CCNH: variants seen among roughly 807,000 people sequenced by gnomAD.
CCNH encodes the protein cyclin-H.
A neutral mutation model predicts 41.9 loss-of-function variants in CCNH; 31 were observed. That is an observed-to-expected ratio of 0.74 (90% confidence interval 0.56 to 1.00). CCNH has a LOEUF of 1.00. Among genes scored for constraint, CCNH ranks in the 50% least tolerant of loss-of-function variants. The probability of loss-of-function intolerance (pLI) is 0.00; values close to 1 mark genes in which losing one functional copy is unlikely to be tolerated. For synonymous variants in CCNH, 138 were observed against 136.1 expected (o/e 1.01, Z -0.10); for missense variants, 362 against 388.4 (o/e 0.93, Z 0.57).
intron 9 of CCNH, among the ~76,000 whole-genome samples, chr5:87,368,536 G>A (rs548652157): frequency 1.8e-4 from 28 of 152,146 alleles, no homozygotes; most frequent in African/African-American, 5.8e-4. Flanking sequence ...ATGTTATTGC[G>A]TCCAGAAAGA....
chr5:87,314,122 A>G (rs369794218), downstream of CCNH, among the ~76,000 whole-genome samples: 8 of 152,210 alleles, frequency 5.3e-5, no homozygotes, highest in East Asian at 1.5e-3. Context: ...GCGGTGAGTC[A>G]AGATCATGCC....
downstream of CCNH, chr5:87,389,513 C>T: frequency 6.2e-7 from 1 of 1,613,980 alleles, no homozygotes; most frequent in Non-Finnish European, 8.5e-7. Context: ...CAGTAATGAG[C>T]GTGGTGCACA....
chr5:87,339,638 T>C (rs1258613877), intron 9 of CCNH, among the ~76,000 whole-genome samples: 1 of 151,978 alleles, frequency 6.6e-6, no homozygotes, highest in Non-Finnish European at 1.5e-5. Flanking sequence ...AAAATAATAA[T>C]AACAACCCAA....
In CCNH at chr5:87,405,189, A is replaced by G. The variant is rs377069738; in HGVS notation, c.526-182T>C. On this transcript the variant is annotated intron_variant, in intron 4 of 8. Transcript: ENST00000256897. ...CCTTCTCTTGGTCCTTTTCCACCTG[A>G]GTAGGAAGGGGAGGGAAGGGAAGCT... 1.1e-4 allele frequency among the ~76,000 whole-genome samples: 16 copies of G among 152,262 alleles called. No individual in the cohort carries two copies. In the East Asian group the frequency reaches 2.9e-3, roughly 28 times the overall value.
intron 9 of CCNH, among the ~76,000 whole-genome samples, chr5:87,357,473 C>G (rs370593129): frequency 2.0e-5 from 3 of 151,988 alleles, no homozygotes; most frequent in Admixed American, 6.6e-5. Flanking sequence ...TGAATTTGTA[C>G]TTAGAATTTT....
chr5:87,319,527 C>T (rs960388855), intron 9 of CCNH, among the ~76,000 whole-genome samples: 1 of 152,244 alleles, frequency 6.6e-6, no homozygotes, highest in East Asian at 1.9e-4. Flanking sequence ...GTGGCTTGCA[C>T]CCTCTGAAGC....
At chr5:87,339,372 G>T (rs1449646993) in intron 9 of CCNH, among the ~76,000 whole-genome samples, 1 of 152,120 alleles carries the variant, frequency 6.6e-6, no homozygotes, top group Non-Finnish European at 1.5e-5. Context: ...GTATTCTACA[G>T]TAAAAGAGAT....
Position 87,404,981 on chromosome 5 carries a change from T to C in CCNH, c.552A>G (p.Pro184=). 6.2e-7 allele frequency: 1 copy of C among 1,613,034 alleles called. No individual in the cohort carries two copies. Among genetic ancestry groups the C allele is most frequent in the Non-Finnish European group, 8.5e-7 (1 of 1,179,344 alleles). Residue 184 remains proline (P), a synonymous_variant, in exon 5 of 9, where the codon CCA becomes CCG. Coordinates refer to ENST00000256897, the MANE Select transcript of CCNH (RefSeq NM_001239.4). ...LKTRYPILEN[P]EILRKTADDF... ...CATCAGCTGTTTTCCTCAAAATCTC[T>C]GGATTCTCCAATATGGGATAGCGGG... is the stretch of plus-strand genomic sequence containing the variant.
chr5:87,334,150 A>T (rs1045916853), intron 9 of CCNH, among the ~76,000 whole-genome samples: 3 of 152,120 alleles, frequency 2.0e-5, no homozygotes, highest in Non-Finnish European at 2.9e-5. Context: ...GACAGTAAAG[A>T]CCCACAATCG....
Position 87,394,369 on chromosome 5 carries a change from T to TTA in CCNH, c.*76_*77insTA. 6.4e-7 allele frequency: 1 copy of TTA among 1,555,442 alleles called. No individual in the cohort carries two copies. The highest frequency in any genetic ancestry group is 8.7e-7 in the Non-Finnish European group (1 of 1,150,872). On this transcript the variant is annotated 3_prime_UTR_variant, in exon 9 of 9. Transcript: ENST00000256897. ...ATATTTTATGTTTTCACATTATACT[T>TTA]TTTAAATAAAGTTAAACGTTTGATA...
At chr5:87,322,167 G>T (rs529650498) in intron 9 of CCNH, among the ~76,000 whole-genome samples, 5 of 151,974 alleles carry the variant, frequency 3.3e-5, no homozygotes, top group Non-Finnish European at 7.4e-5. Context: ...TTAAAGCAGG[G>T]GTCCTCAACC....
intron 9 of CCNH, among the ~76,000 whole-genome samples, chr5:87,329,278 C>T (rs1443207843): frequency 1.4e-5 from 2 of 146,260 alleles, no homozygotes; most frequent in Non-Finnish European, 3.0e-5. Context: ...AACTCTGTCT[C>T]TCCAAAAAAA....
At chr5:87,333,781 A>T (rs1337787653) in intron 9 of CCNH, among the ~76,000 whole-genome samples, 1 of 152,148 alleles carries the variant, frequency 6.6e-6, no homozygotes, top group Non-Finnish European at 1.5e-5. Context: ...TAATTTGATA[A>T]TCAGATTATC....
In CCNH at chr5:87,376,517, C is replaced by T. The variant is rs781291507; in HGVS notation, n.664G>A. 20 of 1,613,806 alleles carry T rather than the reference C, an allele frequency of 1.2e-5. No individual in the cohort carries two copies. The highest frequency in any genetic ancestry group is 3.3e-5 in the Admixed American group (2 of 60,002). ...GGTCCCTGCGTGTTCGAGCACGATACTCTATGGAAAAAATCATGCCAGAAG... is the reference window on the plus strand; with the variant it reads ...GGTCCCTGCGTGTTCGAGCACGATATTCTATGGAAAAAATCATGCCAGAAG... On this transcript the variant is annotated non_coding_transcript_exon_variant, in exon 1 of 1. Coordinates refer to the CCNH transcript ENST00000607486.
upstream of CCNH, chr5:87,378,281 A>G (rs2112495258): frequency 8.0e-7 from 1 of 1,251,176 alleles, no homozygotes. Context: ...CTGCACGCAA[A>G]AAGCACATTT....
chr5:87,351,737 A>T (rs1043568068), intron 9 of CCNH, among the ~76,000 whole-genome samples: 2 of 151,786 alleles, frequency 1.3e-5, no homozygotes, highest in Non-Finnish European at 3.0e-5. Context: ...AGTAATTTTT[A>T]AAAAAACTCT....
At chr5:87,383,395 C>T (rs1179283194) in intron 9 of CCNH, among the ~76,000 whole-genome samples, 2 of 152,040 alleles carry the variant, frequency 1.3e-5, no homozygotes, top group Non-Finnish European at 2.9e-5. Flanking sequence ...ATCAAATGAC[C>T]ACTAGCCTGG....
In CCNH at chr5:87,385,096, C is replaced by G. The variant is rs534313711; in HGVS notation, c.*90+7674G>C. Among the ~76,000 whole-genome samples, 3 of 152,086 alleles carry G rather than the reference C, an allele frequency of 2.0e-5. No individual in the cohort carries two copies. The South Asian group carries it at 6.2e-4, about 31-fold the overall frequency. On this transcript the variant is annotated intron_variant and NMD_transcript_variant, in intron 9 of 9. Transcript: ENST00000645953. Reference sequence around the variant, plus strand: ...CTAGAAGCACTGATAAGCATATTCACTTTTTCTCTTTTAATTCAAGTTCTT... The same window carrying G: ...CTAGAAGCACTGATAAGCATATTCAGTTTTTCTCTTTTAATTCAAGTTCTT...
chr5:87,329,281 C>CAAAAAAAAAAAAAAAAA (rs571157213), intron 9 of CCNH, among the ~76,000 whole-genome samples: 1 of 119,180 alleles, frequency 8.4e-6, no homozygotes. Flanking sequence ...TCTGTCTCTC[C>CAAAAAAAAAAAAAAAAA]AAAAAAAAAA....
Sources: allele counts gnomAD v4.1 joint callset (sites outside exome capture counted in the v4.1 genomes callset), GRCh38; gene constraint gnomAD v4.1.1; transcripts MANE v1.5; gene names NCBI Gene and HGNC (gene_info 2026-07-23, HGNC 2026-07-21).